FRAS1: variants seen among roughly 807,000 people sequenced by gnomAD.
The protein encoded by FRAS1 is Fraser extracellular matrix complex subunit 1.
Under a neutral mutation model 435.2 loss-of-function variants are expected in FRAS1, and 290 were observed. That is an observed-to-expected ratio of 0.67 (90% CI 0.61 to 0.73). The LOEUF (loss-of-function observed/expected upper bound fraction) is 0.73. Ranked by LOEUF, FRAS1 falls within the 30% of genes least tolerant of loss-of-function variation. The probability of loss-of-function intolerance (pLI) is 0.00; values close to 1 mark genes in which losing one functional copy is unlikely to be tolerated. For synonymous variants in FRAS1, 1,800 were observed against 1,851.0 expected (o/e 0.97, Z 0.71); for missense variants, 4,860 against 5,001.5 (o/e 0.97, Z 0.85).
intron 2 of FRAS1, among the ~76,000 whole-genome samples, chr4:78,177,637 G>A (rs991244050): frequency 2.6e-5 from 4 of 152,178 alleles, no homozygotes; most frequent in Non-Finnish European, 5.9e-5. Context: ...TAGGGAAGGC[G>A]GGTCTGCCAG....
intron 3 of FRAS1, among the ~76,000 whole-genome samples, chr4:78,238,625 A>G (rs926976157): frequency 2.6e-5 from 4 of 152,078 alleles, no homozygotes; most frequent in Admixed American, 2.0e-4. Context: ...GGCAAATTTG[A>G]TAAGATTTTT....
At chr4:78,450,396 A>G (rs374853481) in intron 45 of FRAS1, 57 bp downstream of exon 45, 2 of 1,380,588 alleles carry the variant, frequency 1.4e-6, no homozygotes, top group East Asian at 2.3e-5. Flanking sequence ...ACACTAGTAA[A>G]ATGAGAATTA....
chr4:78,177,310 A>C (rs1323698292), intron 2 of FRAS1, among the ~76,000 whole-genome samples: 1 of 152,196 alleles, frequency 6.6e-6, no homozygotes, highest in Admixed American at 6.5e-5. Flanking sequence ...TGAAAGCTAA[A>C]TGGTAGTACA....
chr4:78,496,363 CAA>C (rs1407228375), intron 59 of FRAS1, among the ~76,000 whole-genome samples: 1 of 152,116 alleles, frequency 6.6e-6, no homozygotes, highest in Non-Finnish European at 1.5e-5. Context: ...TATAAGACTT[CAA>C]TTTTTACAAA....
chr4:78,236,287 CATTTATTT>C (rs34452198), intron 2 of FRAS1, among the ~76,000 whole-genome samples: 25 of 142,810 alleles, frequency 1.8e-4, no homozygotes, highest in African/African-American at 6.4e-4. Context: ...GAAATAGTTG[CATTTATTT>C]ATTTATTTAT....
intron 2 of FRAS1, among the ~76,000 whole-genome samples, chr4:78,112,998 C>A (rs1742847049): frequency 1.3e-5 from 2 of 152,102 alleles, no homozygotes; most frequent in South Asian, 4.1e-4. Flanking sequence ...CCACAACAGG[C>A]CCCAGTGTGT....
chr4:78,073,082 A>G (rs1740441118), intron 2 of FRAS1, among the ~76,000 whole-genome samples: 1 of 152,158 alleles, frequency 6.6e-6, no homozygotes, highest in East Asian at 1.9e-4. Context: ...CCTCAAAGGG[A>G]GTAACTTTGT....
chr4:78,346,045 G>T (rs903096429), intron 20 of FRAS1, among the ~76,000 whole-genome samples: 6 of 152,180 alleles, frequency 3.9e-5, no homozygotes, highest in Non-Finnish European at 7.3e-5. Flanking sequence ...GAATTGCAGA[G>T]AAAGTTTTTG....
At chr4:78,284,254 C>CTTTTTTTTTTA (rs1219682618) in intron 12 of FRAS1, 151 bp from the exon 13 acceptor site, 1 of 48,728 alleles carries the variant, frequency 2.1e-5, no homozygotes, top group Non-Finnish European at 4.4e-5. Flanking sequence ...TTTTTTTTTG[C>CTTTTTTTTTTA]TATTTAGGAG....
intron 2 of FRAS1, among the ~76,000 whole-genome samples, chr4:78,067,672 T>TTTATTAATA (rs907864195): frequency 8.0e-6 from 1 of 125,750 alleles, no homozygotes; most frequent in Admixed American, 8.3e-5. Flanking sequence ...TTTTCTTTCT[T>TTTATTAATA]TTATTATTAT....
At chr4:78,260,880 T>G (rs1205203663) in intron 6 of FRAS1, among the ~76,000 whole-genome samples, 2 of 152,220 alleles carry the variant, frequency 1.3e-5, no homozygotes, top group Non-Finnish European at 2.9e-5. Context: ...TCAGAATATT[T>G]CTAGGTGAGG....
At chr4:78,176,130 A>G (rs1349445034) in intron 2 of FRAS1, among the ~76,000 whole-genome samples, 1 of 152,230 alleles carries the variant, frequency 6.6e-6, no homozygotes, top group Non-Finnish European at 1.5e-5. Flanking sequence ...CCTGGTTCAG[A>G]AATGAAGTAA....
At chr4:78,493,181 TAGG>T (rs1166133848) in intron 59 of FRAS1, among the ~76,000 whole-genome samples, 1 of 152,128 alleles carries the variant, frequency 6.6e-6, no homozygotes, top group East Asian at 1.9e-4. Flanking sequence ...TGTGGAGAAA[TAGG>T]AACACTTTTA....
At chr4:78,320,363 G>T (rs1729454446) in intron 18 of FRAS1, among the ~76,000 whole-genome samples, 1 of 152,220 alleles carries the variant, frequency 6.6e-6, no homozygotes, top group African/African-American at 2.4e-5. Flanking sequence ...ACTTCCAGGT[G>T]CCAAAGTGGA....
At chr4:78,325,265 AAAT>A (rs1403665707) in intron 18 of FRAS1, among the ~76,000 whole-genome samples, 3 of 152,346 alleles carry the variant, frequency 2.0e-5, no homozygotes, top group South Asian at 4.1e-4. Flanking sequence ...GTTTTTAAAA[AAAT>A]AATTCACCAG....
chr4:78,219,868 T>C (rs1184224020), intron 2 of FRAS1, among the ~76,000 whole-genome samples: 1 of 152,226 alleles, frequency 6.6e-6, no homozygotes, highest in African/African-American at 2.4e-5. Context: ...TGCTCTGTGA[T>C]AGGCAGGTAT....
chr4:78,149,451 A>G (rs764694465), intron 2 of FRAS1, among the ~76,000 whole-genome samples: 1 of 152,286 alleles, frequency 6.6e-6, no homozygotes, highest in Non-Finnish European at 1.5e-5. Context: ...TCCCACCAGC[A>G]CCAGTCTCAT....
intron 2 of FRAS1, among the ~76,000 whole-genome samples, chr4:78,129,336 G>A (rs1040683043): frequency 6.6e-6 from 1 of 152,168 alleles, no homozygotes; most frequent in African/African-American, 2.4e-5. Context: ...TGCTTTTGTG[G>A]TATCTGTGAG....
intron 72 of FRAS1, among the ~76,000 whole-genome samples, chr4:78,538,018 A>G (rs1721936419): frequency 6.6e-6 from 1 of 152,112 alleles, no homozygotes; most frequent in Non-Finnish European, 1.5e-5. Flanking sequence ...ATGAGGCCAG[A>G]TTTTCTTCAT....
Sources: allele counts gnomAD v4.1 joint callset (sites outside exome capture counted in the v4.1 genomes callset), GRCh38; gene constraint gnomAD v4.1.1; transcripts MANE v1.5; gene names NCBI Gene and HGNC (gene_info 2026-07-23, HGNC 2026-07-21).